The following NAALADL2 variants were observed in gnomAD, a reference collection of about 807,000 sequenced individuals.
The protein encoded by NAALADL2 is inactive N-acetylated-alpha-linked acidic dipeptidase-like protein 2.
In NAALADL2, 76 loss-of-function variants were observed where a neutral mutation model predicts 87.2. The ratio of observed to expected loss-of-function variants is 0.87; its 90% CI spans 0.72 to 1.05. The LOEUF (loss-of-function observed/expected upper bound fraction) is 1.05. Ranked by LOEUF, NAALADL2 falls within the 50% of genes least tolerant of loss-of-function variation. The probability of loss-of-function intolerance (pLI) is 0.00; values close to 1 mark genes in which losing one functional copy is unlikely to be tolerated. For missense variants in NAALADL2, 1,089 were observed against 945.8 expected (o/e 1.15, Z -1.99); for synonymous variants, 354 against 331.0 (o/e 1.07, Z -0.75).
At chr3:174,967,477 C>T (rs1449380770) in intron 1 of NAALADL2, among the ~76,000 whole-genome samples, 3 of 152,028 alleles carry the variant, frequency 2.0e-5, no homozygotes, top group Non-Finnish European at 4.4e-5. Flanking sequence ...TCAAGAGGTA[C>T]AGTCTGTTTC....
chr3:175,396,874 C>T (rs111383924), intron 5 of NAALADL2, among the ~76,000 whole-genome samples: 9,616 of 152,086 alleles, frequency 0.063, 405 homozygotes, highest in Non-Finnish European at 0.088. Context: ...CCCCTTCTGC[C>T]ATTATTATAA....
chr3:174,732,987 T>A (rs1374714397), intron 2 of NAALADL2, among the ~76,000 whole-genome samples: 1 of 152,216 alleles, frequency 6.6e-6, no homozygotes, highest in Non-Finnish European at 1.5e-5. Context: ...TATACCATTT[T>A]GTCCTTCTAA....
chr3:175,233,833 CA>C (rs1173592201), intron 2 of NAALADL2, 97 bp from the exon 3 acceptor site: 1 of 683,348 alleles, frequency 1.5e-6, no homozygotes, highest in Non-Finnish European at 2.5e-6. Flanking sequence ...CAATATTCCA[CA>C]ACATCTATTA....
chr3:175,324,176 T>C lies in NAALADL2; in HGVS notation c.941T>C (p.Leu314Pro), dbSNP rs1284073080. The change falls in exon 5 of 14, where the codon CTT (leucine) becomes CCT (proline). Residue 314 changes from leucine (L) to proline (P), a missense_variant and splice_region_variant. Coordinates refer to ENST00000454872, the MANE Select transcript of NAALADL2 (RefSeq NM_207015.3). ...KLGKLPLLYK[L>P]SSLEKAGFGG... ...TAATAGCTTGCTTCCCTCTTTTAGC[T>C]TTCCTCATTGGAAAAGGCTGGATTT... 3.7e-6 allele frequency: 6 copies of C among 1,612,626 alleles called. No homozygotes were observed. The Admixed American group carries it at 6.7e-5, about 18-fold the overall frequency.
chr3:175,274,637 G>A (rs534317563), intron 4 of NAALADL2, among the ~76,000 whole-genome samples: 1 of 152,046 alleles, frequency 6.6e-6, no homozygotes, highest in Admixed American at 6.5e-5. Context: ...AGTCATTTTG[G>A]GTCTTTAATC....
chr3:174,746,978 A>G (rs1050936257), intron 3 of NAALADL2, among the ~76,000 whole-genome samples: 2 of 152,198 alleles, frequency 1.3e-5, no homozygotes, highest in African/African-American at 4.8e-5. Flanking sequence ...TAAAAACCCT[A>G]CAAGAAAATC....
In NAALADL2 at chr3:175,639,482, G is replaced by A. The variant is rs1729005179; in HGVS notation, c.1896+12096G>A. Among the ~76,000 whole-genome samples, 4 of 151,706 alleles carry A rather than the reference G, an allele frequency of 2.6e-5. No individual in the cohort carries two copies. The South Asian group carries it at 8.3e-4, about 32-fold the overall frequency. Reference sequence around the variant, plus strand: ...ACTACAGGTGCCTGCCACCAAGCCCGGCTAATTTTTTGTATTTTTAGTAGA... The same window carrying A: ...ACTACAGGTGCCTGCCACCAAGCCCAGCTAATTTTTTGTATTTTTAGTAGA... On this transcript the variant is annotated intron_variant, in intron 11 of 13. Coordinates refer to ENST00000454872, the MANE Select transcript of NAALADL2 (RefSeq NM_207015.3).
At chr3:175,137,300 A>C (rs1448719858) in intron 2 of NAALADL2, among the ~76,000 whole-genome samples, 1 of 152,118 alleles carries the variant, frequency 6.6e-6, no homozygotes, top group Non-Finnish European at 1.5e-5. Flanking sequence ...TGTTTCACCC[A>C]CATATATTAT....
Position 175,487,609 on chromosome 3 carries a change from A to C in NAALADL2, c.1653+15851A>C, listed in dbSNP as rs534883975. On this transcript the variant is annotated intron_variant, in intron 9 of 13. Coordinates refer to ENST00000454872, the MANE Select transcript of NAALADL2 (RefSeq NM_207015.3). ...TGAAGAGAATTCTTCCTCTTCTAAC[A>C]CACATAATAACCTATGAAGATATTA... is the stretch of plus-strand genomic sequence containing the variant. 5.6e-4 allele frequency: 253 copies of C among 450,892 alleles called. 1 individual carries two copies. The Middle Eastern group carries it at 0.016, about 29-fold the overall frequency. The allele number at this position is 450,892 out of a possible 1,614,324, so 27.9% of individuals were successfully genotyped here. A position where few individuals can be genotyped will look rare whatever the true frequency, so the allele number is the denominator to read the frequency against.
chr3:175,263,909 G>A (rs574243062), intron 4 of NAALADL2, among the ~76,000 whole-genome samples: 59 of 151,828 alleles, frequency 3.9e-4, no homozygotes, highest in African/African-American at 1.4e-3. Context: ...TAAACTGTTG[G>A]GCAATTACTT....
At chr3:175,327,895 G>C (rs1275015758) in intron 5 of NAALADL2, among the ~76,000 whole-genome samples, 1 of 152,166 alleles carries the variant, frequency 6.6e-6, no homozygotes, top group Non-Finnish European at 1.5e-5. Context: ...TATAACAAAA[G>C]ATCTGTATGA....
chr3:175,668,247 C>A (rs1461098630), intron 11 of NAALADL2, among the ~76,000 whole-genome samples: 1 of 152,042 alleles, frequency 6.6e-6, no homozygotes, highest in Non-Finnish European at 1.5e-5. Context: ...ACTAAAACAC[C>A]ATAATATCCC....
At chr3:175,715,817 G>A (rs1741164042) in intron 11 of NAALADL2, among the ~76,000 whole-genome samples, 1 of 152,132 alleles carries the variant, frequency 6.6e-6, no homozygotes, top group African/African-American at 2.4e-5. Context: ...GGAGGTTGCA[G>A]TGAGCCAAGA....
intron 5 of NAALADL2, among the ~76,000 whole-genome samples, chr3:175,365,467 T>G (rs1765448376): frequency 1.4e-5 from 2 of 147,780 alleles, no homozygotes; most frequent in African/African-American, 4.9e-5. Context: ...GTAAATGGAA[T>G]AGAAGTCGCT....
At chr3:175,041,332 C>T (rs955311620) in intron 1 of NAALADL2, among the ~76,000 whole-genome samples, 17 of 152,114 alleles carry the variant, frequency 1.1e-4, no homozygotes, top group Non-Finnish European at 2.9e-5. Context: ...AACCATGTTT[C>T]AAATTTGCTG....
At chr3:174,975,551 C>T (rs369144356) in intron 1 of NAALADL2, among the ~76,000 whole-genome samples, 6 of 152,078 alleles carry the variant, frequency 3.9e-5, no homozygotes, top group South Asian at 2.1e-4. Flanking sequence ...ATAACCCCGC[C>T]GCCCCCCCAC....
intron 9 of NAALADL2, among the ~76,000 whole-genome samples, chr3:175,481,765 A>AAG (rs1390153328): frequency 6.6e-6 from 1 of 151,990 alleles, no homozygotes; most frequent in Non-Finnish European, 1.5e-5. Context: ...AGCAATAAAA[A>AAG]AGAATAGTCT....
chr3:175,077,185 A>C (rs1414219908), intron 1 of NAALADL2, among the ~76,000 whole-genome samples: 1 of 152,216 alleles, frequency 6.6e-6, no homozygotes, highest in African/African-American at 2.4e-5. Flanking sequence ...GAAGTATTTG[A>C]AGTGTTTTAG....
In NAALADL2 at chr3:175,075,713, G is replaced by T. The variant is rs140479992; in HGVS notation, c.44-21077G>T. On this transcript the variant is annotated intron_variant, in intron 1 of 13. Transcript: ENST00000454872. ...TGGTTCAATAACTTGAAACCTGAGGGACGAAAGTTGTCTAGTCAGGCCCAG... is the reference window on the plus strand; with the variant it reads ...TGGTTCAATAACTTGAAACCTGAGGTACGAAAGTTGTCTAGTCAGGCCCAG... Among the ~76,000 whole-genome samples the T allele has an allele frequency of 9.9e-5, 15 of 152,218 alleles. 1 individual carries two copies. The South Asian group carries it at 2.9e-3, about 29-fold the overall frequency.
Sources: allele counts gnomAD v4.1 joint callset (sites outside exome capture counted in the v4.1 genomes callset), GRCh38; gene constraint gnomAD v4.1.1; transcripts MANE v1.5; gene names NCBI Gene and HGNC (gene_info 2026-07-23, HGNC 2026-07-21).